The following ST6GALNAC3 variants were observed in gnomAD, a reference collection of about 807,000 sequenced individuals.
The protein encoded by ST6GALNAC3 is ST6 N-acetylgalactosaminide alpha-2,6-sialyltransferase 3.
In ST6GALNAC3, 25 loss-of-function variants were observed where a neutral mutation model predicts 32.7. The ratio of observed to expected loss-of-function variants is 0.76; its 90% CI spans 0.56 to 1.07. The LOEUF is 1.07. Ranked by LOEUF, ST6GALNAC3 falls within the 50% of genes least tolerant of loss-of-function variation. The pLI, the probability that ST6GALNAC3 is intolerant of heterozygous loss-of-function variation, is 0.00. For synonymous variants in ST6GALNAC3, 129 were observed against 133.1 expected, an observed-to-expected ratio of 0.97 and a Z score of 0.21; for missense variants, 355 against 382.4, an observed-to-expected ratio of 0.93 and a Z score of 0.60.
At chr1:76,580,373 T>C (rs1271151381) in intron 3 of ST6GALNAC3, among the ~76,000 whole-genome samples, 1 of 152,132 alleles carries the variant, frequency 6.6e-6, no homozygotes, top group African/African-American at 2.4e-5. Context: ...TCACTAGGCC[T>C]ACGCTTTCTG....
intron 3 of ST6GALNAC3, among the ~76,000 whole-genome samples, chr1:76,534,717 T>C (rs1557540753): frequency 6.6e-6 from 1 of 152,192 alleles, no homozygotes; most frequent in Non-Finnish European, 1.5e-5. Flanking sequence ...ATAGTGTAAC[T>C]CCATGAAGGT....
At chr1:76,409,539 GAA>G (rs35554844) in intron 2 of ST6GALNAC3, among the ~76,000 whole-genome samples, 1 of 150,148 alleles carries the variant, frequency 6.7e-6, no homozygotes, top group South Asian at 2.1e-4. Context: ...TTTTATAGTA[GAA>G]AAAAAAACAG....
intron 1 of ST6GALNAC3, among the ~76,000 whole-genome samples, chr1:76,261,079 T>G (rs1394847743): frequency 6.6e-6 from 1 of 152,070 alleles, no homozygotes; most frequent in Non-Finnish European, 1.5e-5. Flanking sequence ...TTATATTATA[T>G]TCTTAAAATC....
intron 1 of ST6GALNAC3, among the ~76,000 whole-genome samples, chr1:76,214,135 G>A (rs72675923): frequency 0.029 from 4,454 of 152,002 alleles, 118 homozygotes; most frequent in African/African-American, 0.073. Context: ...GCCCAATATG[G>A]CAGCCACTAC....
At chr1:76,603,064 A>C (rs978474221) in intron 3 of ST6GALNAC3, among the ~76,000 whole-genome samples, 2 of 152,222 alleles carry the variant, frequency 1.3e-5, no homozygotes, top group Non-Finnish European at 2.9e-5. Context: ...ATTGGCAAAA[A>C]TTTTAGTCTG....
chr1:76,621,819 G>A (rs771723612), intron 3 of ST6GALNAC3, among the ~76,000 whole-genome samples: 10 of 152,068 alleles, frequency 6.6e-5, no homozygotes, highest in Admixed American at 1.3e-4. Context: ...TTTCTTCTCC[G>A]TAGGAAGGTA....
chr1:76,318,507 A>G (rs1646909676), intron 2 of ST6GALNAC3, among the ~76,000 whole-genome samples: 1 of 152,158 alleles, frequency 6.6e-6, no homozygotes, highest in South Asian at 2.1e-4. Flanking sequence ...GCTGATAGCA[A>G]CCATGATTTC....
intron 3 of ST6GALNAC3, among the ~76,000 whole-genome samples, chr1:76,490,313 T>C (rs1050165928): frequency 6.6e-6 from 1 of 152,012 alleles, no homozygotes; most frequent in Non-Finnish European, 1.5e-5. Flanking sequence ...AGATAGTAAG[T>C]TCTAGGATCC....
At chr1:76,485,588 TTG>T (rs1398329199) in intron 3 of ST6GALNAC3, among the ~76,000 whole-genome samples, 2 of 152,234 alleles carry the variant, frequency 1.3e-5, no homozygotes, top group Non-Finnish European at 2.9e-5. Context: ...TGATTTTTTA[TTG>T]TGTCTATTTG....
At chr1:76,530,491 A>G (rs558949239) in intron 3 of ST6GALNAC3, among the ~76,000 whole-genome samples, 31 of 152,308 alleles carry the variant, frequency 2.0e-4, no homozygotes, top group African/African-American at 7.0e-4. Context: ...GTAAAAAAGA[A>G]TGAAGCCGAA....
intron 2 of ST6GALNAC3, among the ~76,000 whole-genome samples, chr1:76,336,851 A>T (rs930116894): frequency 6.6e-6 from 1 of 152,190 alleles, no homozygotes; most frequent in Non-Finnish European, 1.5e-5. Context: ...TCTGAATCTA[A>T]GGAGAAATCC....
chr1:76,602,288 A>G (rs1647270073), intron 3 of ST6GALNAC3, among the ~76,000 whole-genome samples: 2 of 151,914 alleles, frequency 1.3e-5, no homozygotes, highest in Non-Finnish European at 2.9e-5. Context: ...GAGAGAGGAG[A>G]AAAGGGTCAA....
chr1:76,212,943 G>T (rs1408365210), intron 1 of ST6GALNAC3, among the ~76,000 whole-genome samples: 2 of 152,152 alleles, frequency 1.3e-5, no homozygotes, highest in Non-Finnish European at 2.9e-5. Flanking sequence ...TACAAAGTCT[G>T]ACCCGTTCTG....
At chr1:76,244,179 A>T (rs1570560271) in intron 1 of ST6GALNAC3, among the ~76,000 whole-genome samples, 1 of 151,954 alleles carries the variant, frequency 6.6e-6, no homozygotes, top group African/African-American at 2.4e-5. Context: ...TGTAAGTTAT[A>T]TTCCTAGATA....
chr1:76,428,316 G>A (rs1392799017), intron 3 of ST6GALNAC3, among the ~76,000 whole-genome samples: 2 of 151,976 alleles, frequency 1.3e-5, no homozygotes. Context: ...TTTTTCAAAG[G>A]CCAGGTTTTT....
intron 2 of ST6GALNAC3, among the ~76,000 whole-genome samples, chr1:76,341,605 TTTTCTTTCTTTC>T (rs61587390): frequency 0.015 from 1,373 of 91,238 alleles, 13 homozygotes; most frequent in East Asian, 0.039. Flanking sequence ...TCCAAACTGC[TTTTCTTTCTTTC>T]TTTCTTTCTT....
chr1:76,289,178 C>T (rs577031102), intron 1 of ST6GALNAC3, among the ~76,000 whole-genome samples: 5 of 152,270 alleles, frequency 3.3e-5, no homozygotes, highest in African/African-American at 9.6e-5. Context: ...CTACAAACAC[C>T]ACTGAAAGGT....
intron 2 of ST6GALNAC3, among the ~76,000 whole-genome samples, chr1:76,406,060 C>A (rs890517630): frequency 5.3e-5 from 8 of 151,958 alleles, no homozygotes; most frequent in African/African-American, 1.9e-4. Context: ...CTCTCAAATA[C>A]TCATGCTTAT....
At chr1:76,354,834 C>T (rs1022021768) in intron 2 of ST6GALNAC3, among the ~76,000 whole-genome samples, 27 of 152,048 alleles carry the variant, frequency 1.8e-4, no homozygotes, top group Admixed American at 9.2e-4. Context: ...TTAACCATTC[C>T]GAGGCTTTTC....
Sources: allele counts gnomAD v4.1 joint callset (sites outside exome capture counted in the v4.1 genomes callset), GRCh38; gene constraint gnomAD v4.1.1; transcripts MANE v1.5; gene names NCBI Gene and HGNC (gene_info 2026-07-23, HGNC 2026-07-21).